ZC3H15: variants seen among roughly 807,000 people sequenced by gnomAD.
ZC3H15 encodes zinc finger CCCH-type containing 15.
Under a neutral mutation model 51.2 loss-of-function variants are expected in ZC3H15, and 15 were observed. The ratio of observed to expected loss-of-function variants is 0.29; its 90% CI spans 0.20 to 0.45. The LOEUF is 0.45. Ranked by LOEUF, ZC3H15 falls within the 20% of genes least tolerant of loss-of-function variation. The pLI is 1.00. For missense variants in ZC3H15, 381 were observed against 494.7 expected, an observed-to-expected ratio of 0.77 and a Z score of 2.18; for synonymous variants, 144 against 162.8, an observed-to-expected ratio of 0.88 and a Z score of 0.88.
chr2:186,492,705 A>G (rs1216250086), intron 1 of ZC3H15, among the ~76,000 whole-genome samples: 2 of 152,166 alleles, frequency 1.3e-5, no homozygotes, highest in Admixed American at 6.5e-5. Flanking sequence ...TTTAAATACT[A>G]ATTGTTTCAG....
At position 186,495,879 on chromosome 2, in the gene ZC3H15, A is replaced by G. The variant is rs16827868; in HGVS notation, c.177+545A>G. Among the ~76,000 whole-genome samples, 557 of 152,326 alleles carry G rather than the reference A, an allele frequency of 3.7e-3. 2 individuals carry two copies. The highest frequency in any genetic ancestry group is 0.013 in the African/African-American group (527 of 41,588). ...AAGTATAAAGTGATATCTTATTGTT[A>G]CATTGTTTCCCTCGCTACTGGAGAG... On this transcript the variant is annotated intron_variant, in intron 2 of 9. Coordinates refer to ENST00000337859, the MANE Select transcript of ZC3H15 (RefSeq NM_018471.3).
chr2:186,504,319 A>C (rs539968504), intron 6 of ZC3H15, 105 bp downstream of exon 6: 2 of 1,045,124 alleles, frequency 1.9e-6, no homozygotes, highest in African/African-American at 3.3e-5. Context: ...GGAAAAAAAA[A>C]ATATTGTGAT....
At chr2:186,500,662 TTTTTTG>T (rs575413584) in intron 3 of ZC3H15, 19 of 467,900 alleles carry the variant, frequency 4.1e-5, no homozygotes, top group Middle Eastern at 3.4e-4. Flanking sequence ...TTTTTTGCCT[TTTTTTG>T]TTTTTGTTTT....
rs368648907 is a variant in ZC3H15, at chr2:186,486,485, G to T, written c.75+28G>T. On this transcript the variant is annotated intron_variant, in intron 1 of 9. Coordinates refer to ENST00000337859, the MANE Select transcript of ZC3H15 (RefSeq NM_018471.3). ...GAGTACCCACCCCTCCCCCACTCAC[G>T]CCGCGAGCCCTCCGGAAAGCCACTT... The T allele has an allele frequency of 1.6e-5, 25 of 1,522,604 alleles. No homozygotes were observed. The African/African-American group carries it at 1.8e-4, about 11-fold the overall frequency. 94.3% of individuals were successfully genotyped at this position (1,522,604 alleles called of 1,614,324 possible).
chr2:186,507,534 A>G, intron 9 of ZC3H15: 1 of 454,732 alleles, frequency 2.2e-6, no homozygotes, highest in Non-Finnish European at 4.4e-6. Flanking sequence ...GAAAGTATAA[A>G]TAATGAGTTA....
chr2:186,499,052 G>A (rs4666705), intron 2 of ZC3H15, among the ~76,000 whole-genome samples: 100,796 of 151,908 alleles, frequency 0.66, 33,726 homozygotes, highest in Non-Finnish European at 0.71. Flanking sequence ...CTTGTTTAAC[G>A]GCACTAACCA....
At chr2:186,493,078 T>A (rs1685224918) in intron 1 of ZC3H15, among the ~76,000 whole-genome samples, 2 of 150,620 alleles carry the variant, frequency 1.3e-5, no homozygotes, top group South Asian at 4.2e-4. Context: ...TGTCTAGGAG[T>A]GTGCCTGTAA....
Position 186,505,464 on chromosome 2 carries a change from G to C in ZC3H15, c.731G>C (p.Gly244Ala). 6.4e-7 allele frequency: 1 copy of C among 1,568,080 alleles called. No individual in the cohort carries two copies. The highest frequency in any genetic ancestry group is 8.6e-7 in the Non-Finnish European group (1 of 1,163,176). The change falls in exon 7 of 10, where the codon GGT becomes GCT. Residue 244 changes from glycine to alanine, a missense_variant. By Grantham distance (60) the Gly-to-Ala change is moderately conservative (BLOSUM62 0). This residue lies in a region of ZC3H15 where 215 missense variants were observed against 241.8 expected (regional missense o/e 0.89). Transcript: ENST00000337859. The part of the protein sequence containing the change: ...DLIERERSAL[G>A]PNVTKITLES... ...TTACCATTGCAGCGTTCTGCCCTAG[G>C]TCCAAATGTTACCAAAATCACTCTA...
intron 1 of ZC3H15, chr2:186,486,799 G>A: frequency 7.3e-6 from 2 of 274,728 alleles, no homozygotes; most frequent in Non-Finnish European, 6.8e-6. Flanking sequence ...TATGTGTGAA[G>A]AAATACGCTG....
At chr2:186,499,351 T>C (rs1685339745) in intron 2 of ZC3H15, among the ~76,000 whole-genome samples, 1 of 152,234 alleles carries the variant, frequency 6.6e-6, no homozygotes, top group African/African-American at 2.4e-5. Context: ...CTAAGCATCT[T>C]ACTGATGTTT....
At chr2:186,491,977 G>A (rs1014142760) in intron 1 of ZC3H15, among the ~76,000 whole-genome samples, 2 of 151,984 alleles carry the variant, frequency 1.3e-5, no homozygotes, top group African/African-American at 4.8e-5. Flanking sequence ...GGGATCGGGA[G>A]TTTATACACC....
Position 186,508,750 on chromosome 2 carries a change from G to GA in ZC3H15, c.*23dup, listed in dbSNP as rs756453895. ...GAAGAATGACACCAAACACATCGCTGAAAAAATTAAGTCAGCTCAGCACGA... is the reference window on the plus strand; with the variant it reads ...GAAGAATGACACCAAACACATCGCTGAAAAAAATTAAGTCAGCTCAGCACGA... On this transcript the variant is annotated 3_prime_UTR_variant, in exon 10 of 10. Transcript: ENST00000337859. 8.3e-5 allele frequency: 134 copies of GA among 1,610,240 alleles called. No individual in the cohort carries two copies. Among genetic ancestry groups the GA allele is most frequent in the Admixed American group, 1.2e-4 (7 of 59,616 alleles).
intron 1 of ZC3H15, among the ~76,000 whole-genome samples, chr2:186,491,264 C>T (rs112080394): frequency 2.6e-5 from 4 of 152,206 alleles, no homozygotes; most frequent in South Asian, 2.1e-4. Context: ...TCATCTGTCA[C>T]TTAATAGTTA....
intron 2 of ZC3H15, among the ~76,000 whole-genome samples, chr2:186,496,451 C>T (rs1294122810): frequency 2.0e-5 from 3 of 152,220 alleles, no homozygotes; most frequent in African/African-American, 7.2e-5. Flanking sequence ...ATCCGCCTGC[C>T]TTGGCCTCCC....
At chr2:186,487,139 T>TGC (rs528609784) in intron 1 of ZC3H15, 314 of 152,338 alleles carry the variant, frequency 2.1e-3, no homozygotes, top group African/African-American at 7.3e-3. Flanking sequence ...TGTGTGTGTG[T>TGC]GCGCGTGTAT....
chr2:186,491,015 G>A (rs549406505), intron 1 of ZC3H15, among the ~76,000 whole-genome samples: 2 of 152,190 alleles, frequency 1.3e-5, no homozygotes, highest in East Asian at 3.9e-4. Flanking sequence ...TGTAATTCAG[G>A]TTAATCTTTA....
intron 1 of ZC3H15, among the ~76,000 whole-genome samples, chr2:186,494,972 AT>A (rs1340890028): frequency 2.0e-5 from 3 of 152,082 alleles, no homozygotes; most frequent in East Asian, 1.9e-4. Context: ...ATAATAAAAA[AT>A]ATATATAAAA....
intron 1 of ZC3H15, among the ~76,000 whole-genome samples, chr2:186,489,504 T>C (rs1369500050): frequency 6.6e-6 from 1 of 152,234 alleles, no homozygotes; most frequent in African/African-American, 2.4e-5. Context: ...TAAAGACTGA[T>C]ACTTATTTCA....
Position 186,504,160 on chromosome 2 carries a change from AAAG to A in ZC3H15, c.666_668del (p.Lys223del), listed in dbSNP as rs758020090. The A allele has an allele frequency of 6.2e-6, 10 of 1,610,618 alleles. No homozygotes were observed. The Admixed American group carries it at 1.7e-4, about 27-fold the overall frequency. On this transcript the variant is annotated inframe_deletion, in exon 6 of 10. Transcript: ENST00000337859. Reference sequence around the variant, plus strand: ...CTGGATTTGTGTTGAAAAAAGATAAAAAGAAAGAAGAGAAAGAAGATGAAATTT... The same window carrying A: ...CTGGATTTGTGTTGAAAAAAGATAAAAAAGAAGAGAAAGAAGATGAAATTT...
Sources: gnomAD v4.1 joint callset for allele counts (sites outside exome capture counted in the v4.1 genomes callset) on GRCh38, gnomAD v4.1.1 for gene constraint, gnomAD v4.1.1 regional missense constraint, MANE v1.5 for transcripts, NCBI Gene and HGNC (gene_info 2026-07-23, HGNC 2026-07-21) for gene names.